Variants in KIF13A observed in about 807,000 individuals in gnomAD.
KIF13A encodes the protein kinesin-like protein KIF13A.
Under a neutral mutation model 212.2 loss-of-function variants are expected in KIF13A, and 79 were observed. That is an observed-to-expected ratio of 0.37 (90% CI 0.31 to 0.45). The LOEUF (loss-of-function observed/expected upper bound fraction) is 0.45, where lower values mean the gene tolerates loss of function less well. Among genes scored for constraint, KIF13A ranks in the 20% least tolerant of loss-of-function variants. The probability of loss-of-function intolerance (pLI) is 1.00; values close to 1 mark genes in which losing one functional copy is unlikely to be tolerated. For synonymous variants in KIF13A, 789 were observed against 808.6 expected (o/e 0.98, Z 0.41); for missense variants, 1,901 against 2,209.0 (o/e 0.86, Z 2.79).
intron 6 of KIF13A, among the ~76,000 whole-genome samples, chr6:17,854,610 C>T (rs985162969): frequency 7.9e-5 from 9 of 113,746 alleles, no homozygotes; most frequent in African/African-American, 2.4e-4. Flanking sequence ...GGCTGGAGTG[C>T]AGTGGCGTGA....
At chr6:17,889,728 C>T (rs1246079115) in intron 3 of KIF13A, among the ~76,000 whole-genome samples, 3 of 152,212 alleles carry the variant, frequency 2.0e-5, no homozygotes, top group Non-Finnish European at 4.4e-5. Context: ...ATGCTGAGAT[C>T]ATCCTGGACT....
rs1291909729 is a variant in KIF13A, at chr6:17,764,399, C to A, written c.5129G>T (p.Ser1710Ile). The A allele has an allele frequency of 4.3e-6, 7 of 1,613,842 alleles. No individual in the cohort carries two copies. The highest frequency in any genetic ancestry group is 5.9e-6 in the Non-Finnish European group (7 of 1,179,892). Reference protein sequence around the residue: ...SELDACPSKISQPARGFCPRE... With the variant: ...SELDACPSKIIQPARGFCPRE... ...GGGGCAGAATCCCCTGGCTGGCTGG[C>A]TAATTTTGCTGGGGCAGGCATCTAG... The change falls in exon 39 of 39, where the codon AGC (serine) becomes ATC (isoleucine). Residue 1710 changes from serine (S) to isoleucine (I), a missense_variant. Around this residue, in one of 5 missense-constraint regions of KIF13A, gnomAD observed 687 missense variants for 759.1 expected, o/e 0.90. Coordinates refer to ENST00000259711, the MANE Select transcript of KIF13A (RefSeq NM_022113.6). This position sits in a 1 kb window ranked among gnomAD's most constrained non-coding sequence, Gnocchi z 5.1.
chr6:17,929,218 C>G (rs942171513), intron 2 of KIF13A, among the ~76,000 whole-genome samples: 1 of 151,258 alleles, frequency 6.6e-6, no homozygotes. Context: ...GTGAGAGAGA[C>G]AGAGAGAGAG....
chr6:17,880,105 G>A (rs989519234), intron 3 of KIF13A, among the ~76,000 whole-genome samples: 1 of 152,068 alleles, frequency 6.6e-6, no homozygotes, highest in Admixed American at 6.6e-5. Flanking sequence ...ACAGGCGCAT[G>A]CCACCATGCC....
chr6:17,814,441 G>T (rs1763738001), intron 17 of KIF13A, among the ~76,000 whole-genome samples: 1 of 151,184 alleles, frequency 6.6e-6, no homozygotes, highest in Non-Finnish European at 1.5e-5. Context: ...TACAGACGGG[G>T]TTTCACCATC....
intron 6 of KIF13A, among the ~76,000 whole-genome samples, chr6:17,852,370 A>G (rs1767736441): frequency 6.6e-6 from 1 of 152,130 alleles, no homozygotes; most frequent in South Asian, 2.1e-4. Flanking sequence ...GATCAAATCA[A>G]CCTTTCGGCT....
chr6:17,882,106 T>C (rs1406886206), intron 3 of KIF13A: 5 of 456,584 alleles, frequency 1.1e-5, no homozygotes, highest in Admixed American at 4.7e-5. Context: ...AAAAACGAGA[T>C]GTGAAGGTGC....
intron 4 of KIF13A, among the ~76,000 whole-genome samples, chr6:17,868,564 A>G (rs1257342981): frequency 7.5e-5 from 11 of 146,442 alleles, no homozygotes; most frequent in Non-Finnish European, 1.5e-5. Context: ...TTTTTTTTTC[A>G]TTAGCCCTTA....
chr6:17,819,394 C>G (rs1764238162), intron 16 of KIF13A, among the ~76,000 whole-genome samples: 1 of 151,944 alleles, frequency 6.6e-6, no homozygotes, highest in African/African-American at 2.4e-5. Flanking sequence ...GAGACCCTAT[C>G]TCTACTAAAA....
intron 2 of KIF13A, among the ~76,000 whole-genome samples, chr6:17,977,238 C>G (rs1399118351): frequency 1.3e-5 from 2 of 152,016 alleles, no homozygotes; most frequent in African/African-American, 4.8e-5. Flanking sequence ...TTGAATACCA[C>G]CCATCTTGTT....
intron 2 of KIF13A, chr6:17,953,524 G>A (rs1394873533): frequency 6.6e-6 from 1 of 152,246 alleles, no homozygotes; most frequent in Non-Finnish European, 1.5e-5. Flanking sequence ...CAGAGGCAGA[G>A]GCTTGGGTGC....
intron 3 of KIF13A, chr6:17,881,880 C>G (rs1771098833): frequency 1.8e-5 from 7 of 383,270 alleles, no homozygotes; most frequent in South Asian, 1.3e-4. Flanking sequence ...CCTGTTATTC[C>G]AGCTACTCGG....
chr6:17,885,555 G>A (rs539502864), intron 3 of KIF13A, among the ~76,000 whole-genome samples: 10 of 152,272 alleles, frequency 6.6e-5, no homozygotes, highest in East Asian at 3.9e-4. Context: ...GGGAATGCAC[G>A]GTCTGTTCTA....
At chr6:17,955,998 T>C (rs1778327020) in intron 2 of KIF13A, among the ~76,000 whole-genome samples, 1 of 152,226 alleles carries the variant, frequency 6.6e-6, no homozygotes. Flanking sequence ...TTAAGCACAA[T>C]TTTTAAAAAG....
chr6:17,936,018 A>G (rs988575567), intron 2 of KIF13A, among the ~76,000 whole-genome samples: 1 of 152,218 alleles, frequency 6.6e-6, no homozygotes, highest in Non-Finnish European at 1.5e-5. Context: ...AAAAGCCCAC[A>G]CTGACCAACT....
chr6:17,879,992 G>A (rs1167356234), intron 3 of KIF13A, among the ~76,000 whole-genome samples: 1 of 152,130 alleles, frequency 6.6e-6, no homozygotes, highest in Non-Finnish European at 1.5e-5. Flanking sequence ...TTTAGAGAGA[G>A]GGTCTTGCTC....
chr6:17,980,875 T>C (rs1781008272), intron 2 of KIF13A, among the ~76,000 whole-genome samples: 1 of 151,760 alleles, frequency 6.6e-6, no homozygotes, highest in Non-Finnish European at 1.5e-5. Context: ...GGGGGTGAGG[T>C]GAGAATAAAG....
chr6:17,965,278 A>C (rs1779200982), intron 2 of KIF13A, among the ~76,000 whole-genome samples: 1 of 152,112 alleles, frequency 6.6e-6, no homozygotes, highest in African/African-American at 2.4e-5. Flanking sequence ...TCTGTCTGCA[A>C]ATTTACTTAG....
At chr6:17,846,338 A>C (rs867580631) in intron 9 of KIF13A, among the ~76,000 whole-genome samples, 1 of 152,074 alleles carries the variant, frequency 6.6e-6, no homozygotes, top group Admixed American at 6.6e-5. Context: ...CTTTAAAAAG[A>C]GATAAAAATA....
Sources: gnomAD v4.1 joint callset for allele counts (sites outside exome capture counted in the v4.1 genomes callset) on GRCh38, gnomAD v4.1.1 for gene constraint, gnomAD v4.1.1 regional missense constraint, Gnocchi (gnomAD v3.1) non-coding constraint, MANE v1.5 for transcripts, NCBI Gene and HGNC (gene_info 2026-07-23, HGNC 2026-07-21) for gene names.